The following KSR1 variants were observed in gnomAD, a reference collection of about 807,000 sequenced individuals.
The protein encoded by KSR1 is kinase suppressor of ras.
KSR1 carries 35 observed loss-of-function variants against 92.9 expected under a neutral mutation model. That is an observed-to-expected ratio of 0.38 (90% CI 0.29 to 0.50). KSR1 has a LOEUF of 0.50. KSR1 is among the 20% of genes least tolerant of loss of function. The pLI, the probability that KSR1 is intolerant of heterozygous loss-of-function variation, is 0.94. For synonymous variants in KSR1, 467 were observed against 472.6 expected (o/e 0.99, Z 0.15); for missense variants, 972 against 1,158.5 (o/e 0.84, Z 2.34).
chr17:27,603,773 G>T (rs2073651815), intron 11 of KSR1, 61 bp from the exon 12 acceptor site: 1 of 1,559,014 alleles, frequency 6.4e-7, no homozygotes, highest in African/African-American at 1.4e-5. Flanking sequence ...TTCAAGCACG[G>T]TGTCTCTTTG....
intron 1 of KSR1, among the ~76,000 whole-genome samples, chr17:27,479,961 G>T (rs779236247): frequency 3.3e-5 from 5 of 152,180 alleles, no homozygotes; most frequent in Non-Finnish European, 5.9e-5. Context: ...GCCTGTGTGT[G>T]GGTTTGTCTG....
intron 1 of KSR1, among the ~76,000 whole-genome samples, chr17:27,489,191 A>T (rs2068751692): frequency 1.3e-5 from 2 of 152,306 alleles, no homozygotes; most frequent in South Asian, 4.1e-4. Flanking sequence ...GGGAGAGTGT[A>T]GGATCCTCAT....
intron 1 of KSR1, among the ~76,000 whole-genome samples, chr17:27,503,168 A>G (rs1033089487): frequency 6.6e-6 from 1 of 152,202 alleles, no homozygotes; most frequent in East Asian, 1.9e-4. Flanking sequence ...GCTCTTTAAT[A>G]AAGAGTATAC....
chr17:27,541,758 A>G (rs1037622424), intron 1 of KSR1, among the ~76,000 whole-genome samples: 2 of 152,208 alleles, frequency 1.3e-5, no homozygotes, highest in Admixed American at 6.5e-5. Context: ...TGGTTTCTTC[A>G]TTGTAAGATG....
chr17:27,498,738 C>CA (rs1445949582), intron 1 of KSR1, among the ~76,000 whole-genome samples: 1 of 152,226 alleles, frequency 6.6e-6, no homozygotes, highest in East Asian at 1.9e-4. Flanking sequence ...CCCACCCTAG[C>CA]AAAGCCCCAC....
intron 12 of KSR1, 71 bp from the exon 13 acceptor site, chr17:27,604,609 G>A (rs562665475): frequency 5.5e-6 from 8 of 1,464,366 alleles, no homozygotes; most frequent in South Asian, 1.1e-5. Flanking sequence ...GATCTCTCCC[G>A]GGAGTCCCCG....
At chr17:27,548,060 G>C (rs1275276719) in intron 1 of KSR1, among the ~76,000 whole-genome samples, 1 of 151,026 alleles carries the variant, frequency 6.6e-6, no homozygotes, top group Non-Finnish European at 1.5e-5. Flanking sequence ...AAATAGAATT[G>C]ATTTCCTTTA....
Position 27,496,839 on chromosome 17 carries a change from C to T in KSR1, c.231+39965C>T, listed in dbSNP as rs118127982. 2.2e-4 allele frequency among the ~76,000 whole-genome samples: 34 copies of T among 152,318 alleles called. No individual in the cohort carries two copies. The East Asian group carries it at 3.9e-3, about 17-fold the overall frequency. On this transcript the variant is annotated intron_variant, in intron 1 of 20. Coordinates refer to ENST00000644974, the MANE Select transcript of KSR1 (RefSeq NM_001394583.1). ...CTTGGAGGGATACCGAGGGGCTGGCCGTGTGCTAGTGAATTTGCTAGCAGC... is the reference window on the plus strand; with the variant it reads ...CTTGGAGGGATACCGAGGGGCTGGCTGTGTGCTAGTGAATTTGCTAGCAGC...
intron 1 of KSR1, among the ~76,000 whole-genome samples, chr17:27,536,401 C>T (rs1246785980): frequency 2.0e-5 from 3 of 152,186 alleles, no homozygotes; most frequent in Non-Finnish European, 4.4e-5. Context: ...AGAATCTTCT[C>T]CTTCCTTTAC....
intron 3 of KSR1, among the ~76,000 whole-genome samples, 192 bp from the exon 4 acceptor site, chr17:27,582,454 C>T (rs1188985005): frequency 4.6e-5 from 7 of 152,096 alleles, no homozygotes; most frequent in African/African-American, 1.7e-4. Context: ...CCGAGGGCCT[C>T]ATGGTTGGCT....
At chr17:27,506,538 C>A (rs1389143252) in intron 1 of KSR1, among the ~76,000 whole-genome samples, 1 of 152,184 alleles carries the variant, frequency 6.6e-6, no homozygotes, top group Non-Finnish European at 1.5e-5. Context: ...TCGGTGATTT[C>A]CACCTCCCCT....
Position 27,611,545 on chromosome 17 carries a change from T to C in KSR1, c.2409T>C (p.Ala803=). The C allele has an allele frequency of 6.2e-7, 1 of 1,613,904 alleles. No individual in the cohort carries two copies. The highest frequency in any genetic ancestry group is 1.1e-5 in the South Asian group (1 of 91,078). Residue 803 remains alanine (A), a synonymous_variant, in exon 18 of 21, where the codon GCT becomes GCC. Transcript: ENST00000644974. ...QARDWPLKNQ[A]AEASIWQIGS... ...GAGACTGGCCCTTGAAGAACCAGGC[T>C]GCAGAGGCATCCATCTGGCAGATTG...
intron 1 of KSR1, among the ~76,000 whole-genome samples, chr17:27,513,666 C>G (rs1316018563): frequency 6.6e-6 from 1 of 152,226 alleles, no homozygotes; most frequent in Non-Finnish European, 1.5e-5. Context: ...CTTGGGTTGT[C>G]TCTGAGCTTC....
chr17:27,604,544 T>C, intron 12 of KSR1, 136 bp from the exon 13 acceptor site: 1 of 787,664 alleles, frequency 1.3e-6, no homozygotes, highest in Admixed American at 2.0e-5. Flanking sequence ...TGCCATGCTA[T>C]CCACGCGGCC....
At chr17:27,590,415 G>A (rs961137503) in intron 6 of KSR1, among the ~76,000 whole-genome samples, 13 of 152,280 alleles carry the variant, frequency 8.5e-5, no homozygotes, top group South Asian at 2.1e-4. Flanking sequence ...GTTATTTTCC[G>A]TCTTTATGCT....
At chr17:27,621,334 G>A (rs900577004) in intron 20 of KSR1, 61 bp downstream of exon 20, 3 of 398,406 alleles carry the variant, frequency 7.5e-6, no homozygotes, top group Non-Finnish European at 1.3e-5. Flanking sequence ...CACAAGCCCT[G>A]CTTCCTTTCT....
Position 27,613,802 on chromosome 17 carries a change from C to T in KSR1, c.2493+2173C>T, listed in dbSNP as rs549075162. Among the ~76,000 whole-genome samples, 4 of 152,312 alleles carry T rather than the reference C, an allele frequency of 2.6e-5. No homozygotes were observed. In the East Asian group the frequency reaches 5.8e-4, roughly 22 times the overall value. ...TGGCAGCTGAAGTAACCACTGCTTT[C>T]CAGTCTTTTTAAATTTTTTTTGAAG... On this transcript the variant is annotated intron_variant, in intron 18 of 20. Transcript: ENST00000644974.
intron 1 of KSR1, among the ~76,000 whole-genome samples, chr17:27,495,958 G>T (rs886310272): frequency 6.6e-6 from 1 of 152,200 alleles, no homozygotes; most frequent in Non-Finnish European, 1.5e-5. Flanking sequence ...ATGGTACTGC[G>T]CATAAGCCTC....
chr17:27,552,472 C>T (rs2151094175), intron 2 of KSR1, among the ~76,000 whole-genome samples: 1 of 152,350 alleles, frequency 6.6e-6, no homozygotes, highest in South Asian at 2.1e-4. Context: ...ACAGGTTACT[C>T]TTAGCTCTGG....
Sources: gnomAD v4.1 joint callset for allele counts (sites outside exome capture counted in the v4.1 genomes callset) on GRCh38, gnomAD v4.1.1 for gene constraint, MANE v1.5 for transcripts, NCBI Gene and HGNC (gene_info 2026-07-23, HGNC 2026-07-21) for gene names.